COL4A6: variants seen among roughly 807,000 people sequenced by gnomAD.
COL4A6 encodes collagen type IV alpha 6 chain, also known as collagen alpha-6(IV) chain.
Under a neutral mutation model 126.7 loss-of-function variants are expected in COL4A6, and 59 were observed. That is an observed-to-expected ratio of 0.47 (90% CI 0.38 to 0.58). COL4A6 has a LOEUF of 0.58. Among genes scored for constraint, COL4A6 ranks in the 20% least tolerant of loss-of-function variants. The probability of loss-of-function intolerance (pLI) is 0.00; values close to 1 mark genes in which losing one functional copy is unlikely to be tolerated. For synonymous variants in COL4A6, 547 were observed against 496.6 expected (o/e 1.10, Z -1.35); for missense variants, 1,285 against 1,337.3 (o/e 0.96, Z 0.61).
intron 3 of COL4A6, among the ~76,000 whole-genome samples, chrX:108,290,089 A>G (rs1196354192): frequency 1.8e-5 from 2 of 112,266 alleles, no homozygotes; most frequent in Non-Finnish European, 3.8e-5. Context: ...ATTGTTTTAC[A>G]ATGTTTCTAA....
chrX:108,233,879 C>A (rs754396035), intron 3 of COL4A6, among the ~76,000 whole-genome samples: 33 of 112,153 alleles, frequency 2.9e-4, no homozygotes, highest in African/African-American at 1.0e-3. Context: ...AAGCCCTCTG[C>A]ACAGACACAC....
chrX:108,283,134 A>T (rs2037896500), intron 3 of COL4A6, among the ~76,000 whole-genome samples: 1 of 109,061 alleles, frequency 9.2e-6, no homozygotes, highest in South Asian at 4.1e-4. Flanking sequence ...GTACCCTAAA[A>T]CTTAAAGTAT....
intron 2 of COL4A6, among the ~76,000 whole-genome samples, chrX:108,427,236 C>G (rs1603233945): frequency 8.9e-6 from 1 of 111,923 alleles, no homozygotes; most frequent in South Asian, 3.7e-4. Flanking sequence ...AGTTCTACCT[C>G]TCTCTTTCCT....
chrX:108,377,873 C>T (rs1408578175), intron 2 of COL4A6, among the ~76,000 whole-genome samples: 43 of 89,416 alleles, frequency 4.8e-4, no homozygotes, highest in Middle Eastern at 6.9e-3. Context: ...ACCCGGGAGG[C>T]GGAGCTTGCA....
At chrX:108,275,611 G>A (rs759882867) in intron 3 of COL4A6, among the ~76,000 whole-genome samples, 1 of 112,812 alleles carries the variant, frequency 8.9e-6, no homozygotes, top group Non-Finnish European at 1.9e-5. Flanking sequence ...TCTATTCTTG[G>A]CTCTTGCCAC....
At position 108,438,420 on chromosome X, in the gene COL4A6, G is replaced by T. The variant is rs976968079; in HGVS notation, c.-224C>A. On this transcript the variant is annotated 5_prime_UTR_variant, in exon 1 of 45. Transcript: ENST00000334504. ...CCGTTACAACTTGCAGCACTCAGGA[G>T]ATAGTTCCATGCAGCAGGAGAGGAA... 18 of 1,024,599 alleles carry T rather than the reference G, an allele frequency of 1.8e-5. No homozygotes were observed. The highest frequency in any genetic ancestry group is 2.1e-5 in the Non-Finnish European group (17 of 809,553). The allele number at this position is 1,024,599 out of a possible 1,213,427, so 84.4% of individuals were successfully genotyped here.
chrX:108,254,866 G>C (rs1406754646), intron 3 of COL4A6, among the ~76,000 whole-genome samples: 2 of 109,883 alleles, frequency 1.8e-5, no homozygotes, highest in Non-Finnish European at 3.8e-5. Context: ...GTGGAGGTAT[G>C]GGAGTAGGTG....
intron 2 of COL4A6, among the ~76,000 whole-genome samples, chrX:108,393,841 T>A (rs1212280657): frequency 8.9e-6 from 1 of 112,100 alleles, no homozygotes; most frequent in Non-Finnish European, 1.9e-5. Flanking sequence ...TGTAAATTAG[T>A]TCAACCATTG....
intron 2 of COL4A6, among the ~76,000 whole-genome samples, chrX:108,377,531 C>A (rs1028070071): frequency 4.4e-4 from 47 of 105,633 alleles, no homozygotes; most frequent in Admixed American, 2.0e-4. Context: ...GATGTTTCAA[C>A]TTTCTCTGTA....
intron 2 of COL4A6, among the ~76,000 whole-genome samples, chrX:108,343,165 AGTGTGTGTGTGT>A (rs55685604): frequency 1.3e-4 from 4 of 31,418 alleles, no homozygotes; most frequent in Admixed American, 4.3e-4. Flanking sequence ...ATATATATAT[AGTGTGTGTGTGT>A]GTGTGTGTGT....
chrX:108,188,775 A>T, intron 20 of COL4A6, 98 bp from the exon 21 acceptor site: 1 of 855,156 alleles, frequency 1.2e-6, no homozygotes, highest in Non-Finnish European at 1.6e-6. Flanking sequence ...AACTCCATAG[A>T]GGGAATCTGA....
intron 3 of COL4A6, among the ~76,000 whole-genome samples, chrX:108,297,781 A>G (rs2038365541): frequency 9.0e-6 from 1 of 110,618 alleles, no homozygotes; most frequent in African/African-American, 3.3e-5. Flanking sequence ...ACTTACACTC[A>G]AAGATATTTT....
chrX:108,390,292 G>A (rs1015980289), intron 2 of COL4A6, among the ~76,000 whole-genome samples: 4 of 111,026 alleles, frequency 3.6e-5, no homozygotes, highest in Admixed American at 1.9e-4. Context: ...CTAAGTTGGG[G>A]AAGTTCTCCT....
chrX:108,204,272 T>C, intron 12 of COL4A6, 48 bp downstream of exon 12: 1 of 948,129 alleles, frequency 1.1e-6, no homozygotes, highest in South Asian at 2.7e-5. Flanking sequence ...GTATTATAAT[T>C]ATAGGAAAAG....
At chrX:108,209,341 T>G (rs755030564) in intron 8 of COL4A6, among the ~76,000 whole-genome samples, 1 of 111,914 alleles carries the variant, frequency 8.9e-6, no homozygotes, top group Non-Finnish European at 1.9e-5. Flanking sequence ...TTCCTACTAG[T>G]TTTTCCCACC....
At position 108,300,366 on chromosome X, in the gene COL4A6, CTGTGTG is replaced by C. The variant is rs3039370; in HGVS notation, c.144+10376_144+10381del. ...AGTTTGGGTCTCTCTCTCTCTCTCTCTGTGTGTGTGTGTGTGTGTGTGTGTGTGTGT... is the reference window on the plus strand; with the variant it reads ...AGTTTGGGTCTCTCTCTCTCTCTCTCTGTGTGTGTGTGTGTGTGTGTGTGT... On this transcript the variant is annotated intron_variant, in intron 3 of 44. Coordinates refer to ENST00000334504, the MANE Select transcript of COL4A6 (RefSeq NM_033641.4). Among the ~76,000 whole-genome samples, 112 of 98,165 alleles carry C rather than the reference CTGTGTG, an allele frequency of 1.1e-3. 3 individuals are homozygous for C. The East Asian group carries it at 0.032, about 28-fold the overall frequency. The allele number at this position is 98,165 out of a possible 115,157, so 85.2% of individuals were successfully genotyped here. A position where few individuals can be genotyped will look rare whatever the true frequency, so the allele number is the denominator to read the frequency against.
chrX:108,264,099 G>A (rs2037236073), intron 3 of COL4A6, among the ~76,000 whole-genome samples: 2 of 111,278 alleles, frequency 1.8e-5, no homozygotes, highest in South Asian at 3.8e-4. Context: ...CTTAAATGTC[G>A]AGATTATTGT....
At position 108,156,976 on chromosome X, in the gene COL4A6, A is replaced by C. The variant is rs1175659113; in HGVS notation, c.*24T>G. ...CTGTTGTGAGGGGCAGGGGAGGGCA[A>C]GGGGCAGAGTGGCAGGTGCCACCCT... On this transcript the variant is annotated 3_prime_UTR_variant, in exon 45 of 45. Transcript: ENST00000334504. The C allele has an allele frequency of 1.8e-5, 22 of 1,197,035 alleles. No individual in the cohort carries two copies. Among genetic ancestry groups the C allele is most frequent in the Non-Finnish European group, 2.0e-5 (18 of 886,274 alleles).
intron 3 of COL4A6, among the ~76,000 whole-genome samples, chrX:108,299,065 G>A (rs2038413665): frequency 9.0e-6 from 1 of 110,920 alleles, no homozygotes; most frequent in Non-Finnish European, 1.9e-5. Flanking sequence ...CTGCTGTTGA[G>A]CCTCTTCTTA....
Sources: allele counts gnomAD v4.1 joint callset (sites outside exome capture counted in the v4.1 genomes callset), GRCh38; gene constraint gnomAD v4.1.1; transcripts MANE v1.5; gene names NCBI Gene and HGNC (gene_info 2026-07-23, HGNC 2026-07-21).